The following LRRC4C variants were observed in gnomAD, a reference collection of about 807,000 sequenced individuals.
LRRC4C encodes leucine-rich repeat-containing protein 4C.
In LRRC4C, 5 loss-of-function variants were observed where a neutral mutation model predicts 33.6. The observed-to-expected ratio is 0.15, with a 90% CI of 0.08 to 0.31. LRRC4C has a LOEUF of 0.31. LRRC4C is among the 10% of genes least tolerant of loss of function. The pLI is 1.00. For synonymous variants in LRRC4C, 329 were observed against 302.0 expected (o/e 1.09, Z -0.93); for missense variants, 560 against 796.7 (o/e 0.70, Z 3.58).
chr11:40,252,537 A>G (rs1470973423), intron 4 of LRRC4C, among the ~76,000 whole-genome samples: 4 of 152,172 alleles, frequency 2.6e-5, no homozygotes, highest in Admixed American at 6.5e-5. Flanking sequence ...TTTCAAGAGA[A>G]GGCAAAAAAT....
chr11:40,233,017 C>T (rs1048879628), intron 5 of LRRC4C, among the ~76,000 whole-genome samples: 1 of 152,198 alleles, frequency 6.6e-6, no homozygotes, highest in Non-Finnish European at 1.5e-5. Context: ...GAGCTCCTGG[C>T]TATCTTTCTA....
intron 3 of LRRC4C, among the ~76,000 whole-genome samples, chr11:40,591,348 G>T (rs956747755): frequency 1.3e-5 from 2 of 152,154 alleles, no homozygotes; most frequent in Non-Finnish European, 2.9e-5. Flanking sequence ...GGTGCACGGT[G>T]CACGGACCCA....
chr11:40,600,510 C>T (rs1228003517), intron 3 of LRRC4C, among the ~76,000 whole-genome samples: 1 of 152,134 alleles, frequency 6.6e-6, no homozygotes, highest in Non-Finnish European at 1.5e-5. Context: ...TTTAGCAAGA[C>T]CATCCCTCAC....
At chr11:40,897,055 GTATGTT>G (rs1171296053) in intron 2 of LRRC4C, among the ~76,000 whole-genome samples, 1 of 152,146 alleles carries the variant, frequency 6.6e-6, no homozygotes, top group Non-Finnish European at 1.5e-5. Flanking sequence ...TCTGAAATAT[GTATGTT>G]TATAACAAAA....
chr11:40,382,400 T>C (rs1265187106), intron 3 of LRRC4C, among the ~76,000 whole-genome samples: 1 of 151,800 alleles, frequency 6.6e-6, no homozygotes, highest in Non-Finnish European at 1.5e-5. Context: ...GAAAAAGCTG[T>C]GTATATTTAA....
intron 2 of LRRC4C, among the ~76,000 whole-genome samples, chr11:40,877,879 C>T (rs530610055): frequency 9.2e-5 from 14 of 152,272 alleles, no homozygotes; most frequent in African/African-American, 2.9e-4. Context: ...CCAGTCGACA[C>T]GTATTACACA....
intron 2 of LRRC4C, among the ~76,000 whole-genome samples, chr11:40,653,562 T>C (rs535568559): frequency 1.3e-5 from 2 of 152,330 alleles, no homozygotes; most frequent in East Asian, 3.9e-4. Context: ...ACTTGGGTTC[T>C]CTTAGAAGCT....
At chr11:40,852,060 C>A (rs1953532707) in intron 2 of LRRC4C, among the ~76,000 whole-genome samples, 1 of 151,890 alleles carries the variant, frequency 6.6e-6, no homozygotes, top group Non-Finnish European at 1.5e-5. Context: ...AACTCCTGAC[C>A]TCATGATCCA....
At chr11:41,106,139 G>T (rs184472617) in intron 1 of LRRC4C, among the ~76,000 whole-genome samples, 3 of 152,134 alleles carry the variant, frequency 2.0e-5, no homozygotes, top group South Asian at 4.1e-4. Flanking sequence ...ACAGAACTAA[G>T]TATCAACTTA....
At chr11:40,768,348 G>A (rs1256791038) in intron 2 of LRRC4C, among the ~76,000 whole-genome samples, 1 of 151,972 alleles carries the variant, frequency 6.6e-6, no homozygotes, top group Non-Finnish European at 1.5e-5. Flanking sequence ...AGAAAAACTT[G>A]GGACCTGGTG....
intron 3 of LRRC4C, among the ~76,000 whole-genome samples, chr11:40,589,949 A>G (rs1020174062): frequency 6.7e-6 from 1 of 149,310 alleles, no homozygotes; most frequent in Non-Finnish European, 1.5e-5. Flanking sequence ...TCTGACAATT[A>G]TGTGTCTTGG....
intron 3 of LRRC4C, among the ~76,000 whole-genome samples, chr11:40,344,127 G>T (rs1308635102): frequency 6.6e-6 from 1 of 151,936 alleles, no homozygotes; most frequent in Non-Finnish European, 1.5e-5. Flanking sequence ...TTGAGGAGAA[G>T]GTACTCCTTC....
chr11:40,950,815 G>C (rs1958659802), intron 1 of LRRC4C, among the ~76,000 whole-genome samples: 1 of 151,620 alleles, frequency 6.6e-6, no homozygotes, highest in Admixed American at 6.6e-5. Flanking sequence ...TACACATATG[G>C]AATCATTTTG....
At chr11:41,358,845 T>C (rs1477877639) in intron 1 of LRRC4C, among the ~76,000 whole-genome samples, 2 of 152,176 alleles carry the variant, frequency 1.3e-5, no homozygotes, top group Non-Finnish European at 2.9e-5. Context: ...TCTCTTACCA[T>C]ATGATCCAAC....
chr11:40,315,396 G>A (rs1437516954), intron 4 of LRRC4C, among the ~76,000 whole-genome samples: 2 of 151,320 alleles, frequency 1.3e-5, no homozygotes, highest in Non-Finnish European at 2.9e-5. Context: ...TTTAAAACAA[G>A]GAAATATTAC....
At chr11:40,455,851 A>G (rs1396648632) in intron 3 of LRRC4C, among the ~76,000 whole-genome samples, 2 of 152,058 alleles carry the variant, frequency 1.3e-5, no homozygotes, top group Non-Finnish European at 2.9e-5. Flanking sequence ...TGTGTTGGCC[A>G]ACTCATTTTA....
At chr11:41,285,906 T>C (rs1485793524) in intron 1 of LRRC4C, among the ~76,000 whole-genome samples, 1 of 152,132 alleles carries the variant, frequency 6.6e-6, no homozygotes, top group Non-Finnish European at 1.5e-5. Context: ...CTCGGCTCAT[T>C]GCAACCTCCG....
intron 3 of LRRC4C, among the ~76,000 whole-genome samples, chr11:40,422,056 T>G (rs1281675325): frequency 1.3e-5 from 2 of 152,254 alleles, no homozygotes; most frequent in East Asian, 1.9e-4. Flanking sequence ...TTCTGCCCAG[T>G]TAATGCTAAT....
chr11:40,850,540 C>A (rs1397244494), intron 2 of LRRC4C, among the ~76,000 whole-genome samples: 2 of 152,154 alleles, frequency 1.3e-5, no homozygotes, highest in Non-Finnish European at 2.9e-5. Flanking sequence ...CACCAGAGCT[C>A]TCCTGTATGA....
Sources: gnomAD v4.1 joint callset for allele counts (sites outside exome capture counted in the v4.1 genomes callset) on GRCh38, gnomAD v4.1.1 for gene constraint, MANE v1.5 for transcripts, NCBI Gene and HGNC (gene_info 2026-07-23, HGNC 2026-07-21) for gene names.